The following RAPGEF6 variants were observed in gnomAD, a reference collection of about 807,000 sequenced individuals.
The protein encoded by RAPGEF6 is Rap guanine nucleotide exchange factor 6.
A neutral mutation model predicts 171.4 loss-of-function variants in RAPGEF6; 56 were observed. The ratio of observed to expected loss-of-function variants is 0.33; its 90% CI spans 0.26 to 0.41. RAPGEF6 has a LOEUF of 0.41. RAPGEF6 is among the 10% of genes least tolerant of loss of function. The probability of loss-of-function intolerance (pLI) is 1.00; values close to 1 mark genes in which losing one functional copy is unlikely to be tolerated. For synonymous variants in RAPGEF6, 692 were observed against 650.1 expected (o/e 1.06, Z -0.98); for missense variants, 1,674 against 1,921.4 (o/e 0.87, Z 2.41).
intron 20 of RAPGEF6, among the ~76,000 whole-genome samples, chr5:131,454,310 T>C (rs538431367): frequency 6.6e-6 from 1 of 152,286 alleles, no homozygotes; most frequent in East Asian, 1.9e-4. Context: ...AGAAGCAAAC[T>C]TTAATCCTCT....
At chr5:131,559,190 G>A (rs1056068622) in intron 5 of RAPGEF6, among the ~76,000 whole-genome samples, 8 of 152,086 alleles carry the variant, frequency 5.3e-5, no homozygotes, top group African/African-American at 1.4e-4. Context: ...TTAGCTGCAC[G>A]TGGTGGCGCA....
chr5:131,449,983 G>T (rs542363241), intron 21 of RAPGEF6: 8 of 1,517,740 alleles, frequency 5.3e-6, no homozygotes, highest in African/African-American at 1.4e-5. Context: ...GTTAAGAGTC[G>T]CACAACCTTC....
intron 7 of RAPGEF6, among the ~76,000 whole-genome samples, 188 bp from the exon 8 acceptor site, chr5:131,510,679 C>T (rs931722005): frequency 6.6e-6 from 1 of 152,206 alleles, no homozygotes; most frequent in Non-Finnish European, 1.5e-5. Context: ...TTTAGAGGCT[C>T]ATCTTTCCAC....
chr5:131,545,968 C>T (rs958613914), intron 6 of RAPGEF6, among the ~76,000 whole-genome samples: 1 of 152,134 alleles, frequency 6.6e-6, no homozygotes, highest in African/African-American at 2.4e-5. Context: ...AAGGAGTATG[C>T]CTATTGCTCT....
intron 4 of RAPGEF6, among the ~76,000 whole-genome samples, chr5:131,570,436 C>A (rs988592627): frequency 6.6e-6 from 1 of 152,152 alleles, no homozygotes; most frequent in Admixed American, 6.5e-5. Context: ...CATAACACAG[C>A]AATTCTACTC....
intron 4 of RAPGEF6, among the ~76,000 whole-genome samples, chr5:131,568,020 T>C (rs1454321775): frequency 2.0e-5 from 3 of 152,200 alleles, no homozygotes; most frequent in Non-Finnish European, 2.9e-5. Context: ...ATGAATATAG[T>C]TTGCCTGGTA....
chr5:131,582,421 A>G (rs1171038589), intron 4 of RAPGEF6, among the ~76,000 whole-genome samples: 1 of 152,262 alleles, frequency 6.6e-6, no homozygotes, highest in East Asian at 1.9e-4. Context: ...TCCACACCTC[A>G]TATCATATAC....
In RAPGEF6 at chr5:131,453,116, T is replaced by A; in HGVS notation, c.3138A>T (p.Glu1046Asp). ...AAGTCATTCGAACAACTTGGCGGATTTCCTTGGAAATCATTCTTAACTTCT... is the reference window on the plus strand; with the variant it reads ...AAGTCATTCGAACAACTTGGCGGATATCCTTGGAAATCATTCTTAACTTCT... ...NFEKLRMISK[E>D]IRQVVRMTSA... Residue 1046 changes from glutamate (E) to aspartate (D), a missense_variant, in exon 21 of 28, where the codon GAA becomes GAT. Physicochemically the swap from Glu to Asp is conservative, Grantham distance 45 (BLOSUM62 2). Coordinates refer to ENST00000509018, the MANE Select transcript of RAPGEF6 (RefSeq NM_016340.6). 6.2e-7 allele frequency: 1 copy of A among 1,613,994 alleles called. No homozygotes were observed. Among genetic ancestry groups the A allele is most frequent in the South Asian group, 1.1e-5 (1 of 91,046 alleles).
chr5:131,446,315 T>C (rs1236806454), intron 22 of RAPGEF6, among the ~76,000 whole-genome samples, 168 bp downstream of exon 22: 1 of 152,260 alleles, frequency 6.6e-6, no homozygotes, highest in African/African-American at 2.4e-5. Flanking sequence ...CCATCAGGAA[T>C]GGATGGGATT....
chr5:131,469,723 T>A (rs1754615091), intron 17 of RAPGEF6: 4 of 1,100,250 alleles, frequency 3.6e-6, no homozygotes, highest in Non-Finnish European at 1.3e-6. Flanking sequence ...CAATTCTGTA[T>A]CATTGGACTT....
chr5:131,495,501 G>A (rs1756581761), intron 13 of RAPGEF6, 52 bp downstream of exon 13: 1 of 1,424,206 alleles, frequency 7.0e-7, no homozygotes, highest in South Asian at 1.2e-5. Context: ...GTTTGCTAGT[G>A]TTGAGGGGGG....
At chr5:131,556,452 A>G (rs1761242441) in intron 5 of RAPGEF6, among the ~76,000 whole-genome samples, 1 of 152,094 alleles carries the variant, frequency 6.6e-6, no homozygotes, top group African/African-American at 2.4e-5. Flanking sequence ...AACACCAACA[A>G]TGAGACAACT....
chr5:131,542,701 C>CA (rs1435618471), intron 6 of RAPGEF6, among the ~76,000 whole-genome samples: 3 of 152,148 alleles, frequency 2.0e-5, no homozygotes, highest in African/African-American at 7.2e-5. Flanking sequence ...AGAAAGAAAT[C>CA]AGAGTCCTCC....
rs767063387 is a variant in RAPGEF6 at position 131,446,486 on chromosome 5, T to C, written c.3418A>G (p.Thr1140Ala). 103 of 1,612,906 alleles carry C rather than the reference T, an allele frequency of 6.4e-5. No homozygotes were observed. The highest frequency in any genetic ancestry group is 5.3e-5 in the Non-Finnish European group (62 of 1,179,368). The change falls in exon 22 of 28, where the codon ACC becomes GCC. Residue 1140 changes from threonine to alanine, a missense_variant. Physicochemically the swap from Thr to Ala is moderately conservative, Grantham distance 58 (BLOSUM62 0). This residue lies in a region of RAPGEF6 where 552 missense variants were observed against 574.2 expected (regional missense o/e 0.96). Transcript: ENST00000509018. ...ATAAATGAAAACTTGTACTCACAGG[T>C]ACCATATGCAGGCTCCCACTGTAAT... ...MSLQWEPAYG[T>A]LTKNLSEKRS...
chr5:131,481,778 C>T (rs868865412), intron 15 of RAPGEF6, among the ~76,000 whole-genome samples: 1 of 152,176 alleles, frequency 6.6e-6, no homozygotes, highest in African/African-American at 2.4e-5. Flanking sequence ...GTTGCATATT[C>T]TTAGAATAGA....
chr5:131,510,617 C>T, intron 7 of RAPGEF6, 126 bp from the exon 8 acceptor site: 3 of 772,694 alleles, frequency 3.9e-6, no homozygotes, highest in Non-Finnish European at 6.0e-6. Context: ...GATGCTGCAT[C>T]AAGAATACAA....
At chr5:131,538,570 A>G (rs1225931173) in intron 6 of RAPGEF6, among the ~76,000 whole-genome samples, 1 of 152,184 alleles carries the variant, frequency 6.6e-6, no homozygotes, top group African/African-American at 2.4e-5. Flanking sequence ...ACACAAAAAT[A>G]CTACACCATT....
In RAPGEF6 at chr5:131,462,055, G is replaced by A. The variant is rs1488522639; in HGVS notation, c.2514C>T (p.Thr838=). The part of the protein sequence containing the change: ...YYLKNNMETE[T]LCSDEDAQEL... ...CTTGAGCATCTTCATCTGAACATAA[G>A]GTTTCTGTTTCCATGTTATTTTTTA... The change falls in exon 19 of 28, where the codon ACC becomes ACT. Residue 838 remains threonine, a synonymous_variant. Coordinates refer to ENST00000509018, the MANE Select transcript of RAPGEF6 (RefSeq NM_016340.6). The A allele has an allele frequency of 3.2e-6, 5 of 1,579,462 alleles. No individual in the cohort carries two copies. The highest frequency in any genetic ancestry group is 4.3e-6 in the Non-Finnish European group (5 of 1,164,142).
chr5:131,466,792 G>A (rs1397195382), intron 17 of RAPGEF6, among the ~76,000 whole-genome samples: 2 of 152,072 alleles, frequency 1.3e-5, no homozygotes, highest in Admixed American at 6.6e-5. Context: ...GCATGAAAAC[G>A]GACTAATATA....
Sources: allele counts gnomAD v4.1 joint callset (sites outside exome capture counted in the v4.1 genomes callset), GRCh38; gene constraint gnomAD v4.1.1; regional missense constraint gnomAD v4.1.1; transcripts MANE v1.5; gene names NCBI Gene and HGNC (gene_info 2026-07-23, HGNC 2026-07-21).